CSGALNACT1: variants seen among roughly 807,000 people sequenced by gnomAD.
CSGALNACT1 encodes the protein beta4GalNAcT-1.
CSGALNACT1 carries 52 observed loss-of-function variants against 51.0 expected under a neutral mutation model. That is an observed-to-expected ratio of 1.02 (90% CI 0.82 to 1.29). The LOEUF (loss-of-function observed/expected upper bound fraction) is 1.29. CSGALNACT1 is among the 50% of genes most tolerant of loss of function. The probability of loss-of-function intolerance (pLI) is 0.00; values close to 1 mark genes in which losing one functional copy is unlikely to be tolerated. For synonymous variants in CSGALNACT1, 341 were observed against 254.4 expected, an observed-to-expected ratio of 1.34 and a Z score of -3.24; for missense variants, 935 against 679.2, an observed-to-expected ratio of 1.38 and a Z score of -4.19.
At chr8:19,665,382 G>C (rs2059103409) in intron 1 of CSGALNACT1, among the ~76,000 whole-genome samples, 1 of 152,164 alleles carries the variant, frequency 6.6e-6, no homozygotes, top group Admixed American at 6.5e-5. Flanking sequence ...AGTATTTTAA[G>C]TGGTTACAAA....
At chr8:19,404,978 G>C in exon 10 of CSGALNACT1, 6 of 454,030 alleles carry the variant, frequency 1.3e-5, no homozygotes, top group Non-Finnish European at 2.6e-5. Context: ...ATCAGCATTT[G>C]GCATGTCCTT....
At chr8:19,525,269 G>A (rs1303643345) in intron 3 of CSGALNACT1, among the ~76,000 whole-genome samples, 3 of 151,994 alleles carry the variant, frequency 2.0e-5, no homozygotes, top group East Asian at 1.9e-4. Flanking sequence ...ATTGTGGGAG[G>A]CATCATTACT....
At chr8:19,611,408 G>C (rs1381979181) in intron 1 of CSGALNACT1, among the ~76,000 whole-genome samples, 5 of 152,158 alleles carry the variant, frequency 3.3e-5, no homozygotes, top group African/African-American at 1.2e-4. Flanking sequence ...AGTAAAAATA[G>C]CTAGCTAGCA....
intron 1 of CSGALNACT1, among the ~76,000 whole-genome samples, chr8:19,709,850 G>C (rs2062395066): frequency 6.6e-6 from 1 of 152,148 alleles, no homozygotes; most frequent in Admixed American, 6.6e-5. Flanking sequence ...AGTGGACGCA[G>C]GACAGAGCTC....
intron 1 of CSGALNACT1, among the ~76,000 whole-genome samples, chr8:19,609,354 A>G (rs1037977933): frequency 1.3e-5 from 2 of 148,454 alleles, no homozygotes; most frequent in African/African-American, 5.0e-5. Flanking sequence ...TGCTATGCAT[A>G]CTAGATAATG....
At chr8:19,656,940 C>T (rs2058332117) in intron 1 of CSGALNACT1, among the ~76,000 whole-genome samples, 1 of 151,808 alleles carries the variant, frequency 6.6e-6, no homozygotes, top group South Asian at 2.1e-4. Flanking sequence ...GTGGCACATG[C>T]CTGTAGTCCC....
chr8:19,409,105 G>A (rs899078644), intron 8 of CSGALNACT1, among the ~76,000 whole-genome samples: 7 of 152,162 alleles, frequency 4.6e-5, no homozygotes, highest in African/African-American at 1.4e-4. Context: ...CCTGGGCAGC[G>A]AGCCAGCAAA....
intron 4 of CSGALNACT1, among the ~76,000 whole-genome samples, chr8:19,460,910 G>A (rs546679325): frequency 1.5e-3 from 226 of 152,238 alleles, no homozygotes; most frequent in Non-Finnish European, 2.5e-3. Flanking sequence ...GTGCCACAGA[G>A]AGGAGTGTGG....
intron 1 of CSGALNACT1, among the ~76,000 whole-genome samples, chr8:19,704,311 A>C (rs1309919055): frequency 1.3e-5 from 2 of 152,212 alleles, no homozygotes; most frequent in Admixed American, 1.3e-4. Context: ...AGAAATTTTG[A>C]ATTTTTCCAA....
intron 1 of CSGALNACT1, among the ~76,000 whole-genome samples, chr8:19,692,868 T>C (rs958619473): frequency 3.9e-5 from 6 of 152,182 alleles, no homozygotes; most frequent in African/African-American, 1.2e-4. Flanking sequence ...GAATAAGCAC[T>C]GTCACCTGGC....
At chr8:19,476,917 T>C (rs1397506611) in intron 4 of CSGALNACT1, among the ~76,000 whole-genome samples, 2 of 152,174 alleles carry the variant, frequency 1.3e-5, no homozygotes, top group African/African-American at 2.4e-5. Flanking sequence ...GGCCTTCCCA[T>C]GAGGTCCCGA....
upstream of CSGALNACT1, among the ~76,000 whole-genome samples, chr8:19,605,514 T>C (rs1283545609): frequency 4.6e-5 from 7 of 152,216 alleles, no homozygotes; most frequent in South Asian, 1.0e-3. Context: ...TGTCCTCCAA[T>C]GCCTAGTATG....
chr8:19,567,781 A>G (rs1179604129), intron 3 of CSGALNACT1, among the ~76,000 whole-genome samples: 2 of 152,216 alleles, frequency 1.3e-5, no homozygotes, highest in Admixed American at 1.3e-4. Context: ...ATCAGAATTA[A>G]TAAGAGTTTA....
intron 3 of CSGALNACT1, among the ~76,000 whole-genome samples, chr8:19,567,594 C>T (rs1347729478): frequency 2.0e-5 from 3 of 152,194 alleles, no homozygotes; most frequent in Non-Finnish European, 4.4e-5. Context: ...ACTACCATCA[C>T]TTTTCTTAAA....
At chr8:19,639,730 A>G (rs1386530865) in intron 1 of CSGALNACT1, among the ~76,000 whole-genome samples, 3 of 152,190 alleles carry the variant, frequency 2.0e-5, no homozygotes, top group Admixed American at 6.5e-5. Context: ...CAGGCCATCC[A>G]CAACGTGCAA....
intron 1 of CSGALNACT1, among the ~76,000 whole-genome samples, chr8:19,693,098 G>T (rs3735955): frequency 0.2 from 30,652 of 152,060 alleles, 3,450 homozygotes; most frequent in Admixed American, 0.29. Flanking sequence ...TTTGCTCTTT[G>T]ACTCATTCCC....
chr8:19,446,199 TA>T (rs1211627158), intron 5 of CSGALNACT1, among the ~76,000 whole-genome samples: 1 of 152,046 alleles, frequency 6.6e-6, no homozygotes, highest in East Asian at 1.9e-4. Context: ...AGTAAGTAAG[TA>T]AAATGCATGA....
At chr8:19,676,025 A>T (rs12543170) in intron 1 of CSGALNACT1, among the ~76,000 whole-genome samples, 27,791 of 150,494 alleles carry the variant, frequency 0.18, 2,799 homozygotes, top group East Asian at 0.29. Flanking sequence ...ACCAATAGAG[A>T]TCGAGACAGA....
At chr8:19,747,818 AAAAAAAAGAAAAG>A (rs1288745438) in intron 1 of CSGALNACT1, among the ~76,000 whole-genome samples, 9 of 152,022 alleles carry the variant, frequency 5.9e-5, no homozygotes, top group Non-Finnish European at 1.3e-4. Context: ...GAGAAGTAAA[AAAAAAAAGAAAAG>A]AAAAAAAGAA....
Sources: allele counts gnomAD v4.1 joint callset (sites outside exome capture counted in the v4.1 genomes callset), GRCh38; gene constraint gnomAD v4.1.1; transcripts MANE v1.5; gene names NCBI Gene and HGNC (gene_info 2026-07-23, HGNC 2026-07-21).